The following F11R variants were observed in gnomAD, a reference collection of about 807,000 sequenced individuals.
F11R encodes the protein F11 receptor.
Under a neutral mutation model 39.3 loss-of-function variants are expected in F11R, and 27 were observed. The ratio of observed to expected loss-of-function variants is 0.69; its 90% confidence interval spans 0.51 to 0.95. F11R has a LOEUF of 0.95. Ranked by LOEUF, F11R falls within the 40% of genes least tolerant of loss-of-function variation. The probability of loss-of-function intolerance (pLI) is 0.00; values close to 1 mark genes in which losing one functional copy is unlikely to be tolerated. For synonymous variants in F11R, 131 were observed against 144.9 expected (o/e 0.90, Z 0.69); for missense variants, 335 against 372.7 (o/e 0.90, Z 0.83).
At chr1:161,015,632 T>C (rs1162227330) in intron 1 of F11R, among the ~76,000 whole-genome samples, 2 of 147,794 alleles carry the variant, frequency 1.4e-5, no homozygotes, top group African/African-American at 2.5e-5. Context: ...GATCATGCCA[T>C]TGTACTCCAG....
chr1:161,017,764 G>A (rs577945111), intron 1 of F11R, among the ~76,000 whole-genome samples: 14 of 152,196 alleles, frequency 9.2e-5, no homozygotes, highest in African/African-American at 2.9e-4. Context: ...TCCACCTTAC[G>A]AGAAACACCC....
chr1:160,999,847 C>T, intron 6 of F11R, 29 bp downstream of exon 6: 1 of 1,611,186 alleles, frequency 6.2e-7, no homozygotes, highest in Non-Finnish European at 8.5e-7. Flanking sequence ...ATCCCCACCC[C>T]AGGTCTGGGC....
chr1:160,999,968 G>T lies in F11R; in HGVS notation c.602C>A (p.Pro201His). The part of the protein sequence containing the change: ...NPTTGELVFD[P>H]LSASDTGEYS... ...TTCTCCAGTATCAGAGGCTGACAGG[G>T]GATCAAAGACCTGAGGAAGGAAAAC... The change falls in exon 6 of 10, where the codon CCC becomes CAC. Residue 201 changes from proline (P) to histidine (H), a missense_variant. Transcript: ENST00000368026. 6.2e-7 allele frequency: 1 copy of T among 1,614,062 alleles called. No homozygotes were observed. Among genetic ancestry groups the T allele is most frequent in the East Asian group, 2.2e-5 (1 of 44,886 alleles).
chr1:161,010,444 A>AAAAAAAAAAAAAC (rs1649084637), intron 1 of F11R, among the ~76,000 whole-genome samples: 3 of 145,282 alleles, frequency 2.1e-5, no homozygotes, highest in African/African-American at 8.3e-5. Context: ...ACTCCATCAA[A>AAAAAAAAAAAAAC]AAAAAAAAAA....
chr1:161,000,700 A>G lies in F11R; in HGVS notation c.319T>C (p.Tyr107His). The change falls in exon 4 of 10, where the codon TAC becomes CAC. Residue 107 changes from tyrosine (Y) to histidine (H), a missense_variant. Coordinates refer to ENST00000368026, the MANE Select transcript of F11R (RefSeq NM_016946.6). ...CCTTCCTCAGAGACCATACAAGTGT[A>G]TGTCCCAGTGTCTTCCCGTGTCACG... Reference protein sequence around the residue: ...KSVTREDTGTYTCMVSEEGGN... With the variant: ...KSVTREDTGTHTCMVSEEGGN... The G allele has an allele frequency of 6.2e-7, 1 of 1,614,180 alleles. No homozygotes were observed. The highest frequency in any genetic ancestry group is 8.5e-7 in the Non-Finnish European group (1 of 1,180,024).
At position 161,012,238 on chromosome 1, in the gene F11R, C is replaced by T. The variant is rs376375947; in HGVS notation, c.64+8772G>A. Among the ~76,000 whole-genome samples the T allele has an allele frequency of 3.3e-5, 5 of 152,338 alleles. No individual in the cohort carries two copies. In the South Asian group the frequency reaches 8.3e-4, roughly 25 times the overall value. On this transcript the variant is annotated intron_variant, in intron 1 of 9. Coordinates refer to ENST00000368026, the MANE Select transcript of F11R (RefSeq NM_016946.6). ...GTGAAGGGTCAGGTCAGACCCATAA[C>T]AGAAAAGGACCTACTTCCTTCTACT... is the stretch of plus-strand genomic sequence containing the variant.
intron 1 of F11R, among the ~76,000 whole-genome samples, chr1:161,016,380 G>A (rs1030060744): frequency 2.0e-5 from 3 of 152,152 alleles, no homozygotes; most frequent in Admixed American, 2.0e-4. Context: ...GGAGGCTGAG[G>A]CAGGAGAATG....
At chr1:161,000,515 G>A in intron 4 of F11R, 116 bp downstream of exon 4, 2 of 1,489,032 alleles carry the variant, frequency 1.3e-6, no homozygotes, top group Non-Finnish European at 1.8e-6. Context: ...GCAGCTCCAG[G>A]ACTCTGAATA....
chr1:161,004,920 G>A (rs530829157), intron 1 of F11R, among the ~76,000 whole-genome samples: 1 of 151,994 alleles, frequency 6.6e-6, no homozygotes, highest in East Asian at 1.9e-4. Flanking sequence ...CAGCACTTTG[G>A]GAGGCCGAGG....
At chr1:161,020,775 T>G (rs566575855) in intron 1 of F11R, among the ~76,000 whole-genome samples, 10 of 152,236 alleles carry the variant, frequency 6.6e-5, no homozygotes, top group Admixed American at 5.9e-4. Context: ...AGCTCCCTCC[T>G]GGTGGCCGTG....
intron 3 of F11R, 40 bp downstream of exon 3, chr1:161,000,980 C>T (rs1050689815): frequency 6.3e-7 from 1 of 1,575,658 alleles, no homozygotes; most frequent in Non-Finnish European, 8.7e-7. Flanking sequence ...GATAATCCCT[C>T]CACAACCTAG....
chr1:161,002,433 T>G (rs1202231164), intron 1 of F11R: 2 of 152,084 alleles, frequency 1.3e-5, no homozygotes, highest in East Asian at 3.9e-4. Flanking sequence ...TTAAATAATA[T>G]GGGGGAGGTG....
chr1:160,997,251 T>C lies in F11R; in HGVS notation c.*1620A>G, dbSNP rs1232324423. 1 of 152,350 alleles carries C rather than the reference T, an allele frequency of 6.6e-6. No homozygotes were observed. Among genetic ancestry groups the C allele is most frequent in the Non-Finnish European group, 1.5e-5 (1 of 68,054 alleles). The allele number at this position is 152,350 out of a possible 1,614,324, so 9.4% of individuals were successfully genotyped here. The stretch of plus-strand genomic sequence containing the variant: ...TTCTTCTGAATTCCACCCCACTAAA[T>C]ACAGTAGCAGTTACTACTTTAAACT... On this transcript the variant is annotated 3_prime_UTR_variant, in exon 10 of 10. Transcript: ENST00000368026.
chr1:161,017,248 C>T (rs1464841519), intron 1 of F11R, among the ~76,000 whole-genome samples: 1 of 152,152 alleles, frequency 6.6e-6, no homozygotes, highest in African/African-American at 2.4e-5. Context: ...CCCAGCCCAA[C>T]ACCTGTAAAG....
Position 161,001,356 on chromosome 1 carries a change from A to G in F11R, c.65-3T>C, listed in dbSNP as rs790055. On this transcript the variant is annotated splice_polypyrimidine_tract_variant and splice_region_variant and intron_variant, in intron 1 of 9. Coordinates refer to ENST00000368026, the MANE Select transcript of F11R (RefSeq NM_016946.6). ...AACACTGCCCAATGCCAGGGAGCCT[A>G]AGGAGAAAGAAAGAGGTGGGCCCTG... The G allele has an allele frequency of 0.8, 1,288,207 of 1,611,152 alleles. 516,062 individuals carry two copies. Among genetic ancestry groups the G allele is most frequent in the African/African-American group, 0.89 (66,363 of 74,916 alleles).
intron 1 of F11R, among the ~76,000 whole-genome samples, chr1:161,020,706 G>A (rs1240777039): frequency 1.3e-5 from 2 of 152,170 alleles, no homozygotes; most frequent in Non-Finnish European, 2.9e-5. Context: ...AGGGTCCTTG[G>A]CCCGACGGCC....
chr1:161,016,656 C>CAA (rs773532935), intron 1 of F11R, among the ~76,000 whole-genome samples: 1 of 130,018 alleles, frequency 7.7e-6, no homozygotes, highest in Non-Finnish European at 1.7e-5. Flanking sequence ...GACTCCGTCT[C>CAA]AAAAAAAAAA....
intron 1 of F11R, 102 bp downstream of exon 1, chr1:161,020,908 G>A: frequency 9.8e-7 from 1 of 1,019,848 alleles, no homozygotes; most frequent in Non-Finnish European, 1.6e-6. Context: ...ATATAGGAAG[G>A]TTTCTGAGCT....
At chr1:161,018,641 C>T (rs1649587954) in intron 1 of F11R, among the ~76,000 whole-genome samples, 1 of 152,138 alleles carries the variant, frequency 6.6e-6, no homozygotes, top group Non-Finnish European at 1.5e-5. Context: ...TGAGCTACTG[C>T]CTAAGATCAC....
Sources: allele counts gnomAD v4.1 joint callset (sites outside exome capture counted in the v4.1 genomes callset), GRCh38; gene constraint gnomAD v4.1.1; transcripts MANE v1.5; gene names NCBI Gene and HGNC (gene_info 2026-07-23, HGNC 2026-07-21).